GK5: variants seen among roughly 807,000 people sequenced by gnomAD.
GK5 encodes the protein glycerol kinase 5, also known as ATP:glycerol 3-phosphotransferase 5.
Under a neutral mutation model 77.3 loss-of-function variants are expected in GK5, and 39 were observed. The observed-to-expected ratio is 0.50, with a 90% CI of 0.39 to 0.66. GK5 has a LOEUF of 0.66. Among genes scored for constraint, GK5 ranks in the 30% least tolerant of loss-of-function variants. The probability of loss-of-function intolerance (pLI) is 0.00; values close to 1 mark genes in which losing one functional copy is unlikely to be tolerated. For synonymous variants in GK5, 211 were observed against 208.0 expected (o/e 1.01, Z -0.13); for missense variants, 487 against 633.8 (o/e 0.77, Z 2.49).
intron 1 of GK5, among the ~76,000 whole-genome samples, chr3:142,222,905 T>A (rs1443798365): frequency 6.6e-6 from 1 of 152,356 alleles, no homozygotes; most frequent in East Asian, 1.9e-4. Flanking sequence ...AGTTTTCTTT[T>A]ATTATCTCAA....
chr3:142,213,898 C>T (rs1243144844), intron 2 of GK5, among the ~76,000 whole-genome samples: 1 of 152,196 alleles, frequency 6.6e-6, no homozygotes, highest in East Asian at 1.9e-4. Flanking sequence ...TCTTGGCTCA[C>T]TGCAATCTCT....
intron 10 of GK5, among the ~76,000 whole-genome samples, chr3:142,181,984 TTATC>T (rs1402806708): frequency 2.0e-5 from 3 of 152,212 alleles, no homozygotes; most frequent in African/African-American, 7.2e-5. Flanking sequence ...GCTATTGTAT[TTATC>T]TGTGGTTTTC....
At chr3:142,211,736 G>A (rs2064190795) in intron 3 of GK5, among the ~76,000 whole-genome samples, 1 of 152,200 alleles carries the variant, frequency 6.6e-6, no homozygotes, top group South Asian at 2.1e-4. Flanking sequence ...CGAGGCTGCA[G>A]TGAGCTATGA....
Position 142,198,001 on chromosome 3 carries a change from G to T in GK5, c.543+801C>A, listed in dbSNP as rs150415433. 4.8e-3 allele frequency among the ~76,000 whole-genome samples: 721 copies of T among 149,672 alleles called. 13 individuals carry two copies. Among genetic ancestry groups the T allele is most frequent in the African/African-American group, 0.017 (705 of 40,518 alleles). On this transcript the variant is annotated intron_variant, in intron 5 of 15. Coordinates refer to ENST00000392993, the MANE Select transcript of GK5 (RefSeq NM_001039547.3). ...TCGCACATTGCACTCCAGCCTGGGT[G>T]ACAGGGTGAGACTCTGTCTCAAAAA...
intron 5 of GK5, among the ~76,000 whole-genome samples, chr3:142,196,516 T>G (rs2063935743): frequency 6.6e-6 from 1 of 152,180 alleles, no homozygotes; most frequent in Non-Finnish European, 1.5e-5. Context: ...GTATGTTGTA[T>G]CTTATTTTCA....
chr3:142,175,153 C>T (rs1577109462), intron 12 of GK5, among the ~76,000 whole-genome samples: 1 of 152,192 alleles, frequency 6.6e-6, no homozygotes, highest in East Asian at 1.9e-4. Context: ...TTACTGCCAT[C>T]ATCACAGTAA....
chr3:142,157,529 C>A lies in GK5; in HGVS notation c.*8093G>T, dbSNP rs1045363881. ...ACTCAAAGCAAATAACAGAGAAACA[C>A]AATATAAAAATGGCTTTAATATACC... is the stretch of plus-strand genomic sequence containing the variant. On this transcript the variant is annotated 3_prime_UTR_variant, in exon 16 of 16. Coordinates refer to ENST00000392993, the MANE Select transcript of GK5 (RefSeq NM_001039547.3). The A allele has an allele frequency of 6.6e-6, 1 of 152,152 alleles. No homozygotes were observed. Among genetic ancestry groups the A allele is most frequent in the East Asian group, 1.9e-4 (1 of 5,198 alleles). 9.4% of individuals were successfully genotyped at this position (152,152 alleles called of 1,614,324 possible).
intron 3 of GK5, among the ~76,000 whole-genome samples, chr3:142,212,356 A>AAACCCCGTCTCC (rs1226386055): frequency 2.8e-4 from 43 of 152,066 alleles, no homozygotes; most frequent in African/African-American, 1.0e-3. Flanking sequence ...CAATATGGTG[A>AAACCCCGTCTCC]AACCCCGTCT....
intron 3 of GK5, among the ~76,000 whole-genome samples, chr3:142,212,303 G>A (rs991492620): frequency 6.6e-6 from 1 of 152,078 alleles, no homozygotes; most frequent in Non-Finnish European, 1.5e-5. Flanking sequence ...AGGTGGCTGA[G>A]GTGGAAGAAT....
intron 5 of GK5, among the ~76,000 whole-genome samples, chr3:142,193,706 T>G (rs2063887915): frequency 6.6e-6 from 1 of 152,192 alleles, no homozygotes; most frequent in Non-Finnish European, 1.5e-5. Flanking sequence ...CGTATTTTAT[T>G]CTTTTTGATG....
chr3:142,213,768 T>C (rs2064231197), intron 2 of GK5, among the ~76,000 whole-genome samples, 167 bp from the exon 3 acceptor site: 1 of 152,194 alleles, frequency 6.6e-6, no homozygotes, highest in South Asian at 2.1e-4. Flanking sequence ...CTAAGATGAT[T>C]CTGCAGCATT....
intron 1 of GK5, among the ~76,000 whole-genome samples, chr3:142,223,205 T>A (rs1455316908): frequency 6.6e-6 from 1 of 152,236 alleles, no homozygotes; most frequent in Non-Finnish European, 1.5e-5. Context: ...AAATTATATA[T>A]TAACTGTGAA....
At chr3:142,206,159 A>G (rs2064103123) in intron 3 of GK5, among the ~76,000 whole-genome samples, 1 of 152,202 alleles carries the variant, frequency 6.6e-6, no homozygotes, top group Non-Finnish European at 1.5e-5. Context: ...TTATCAATTC[A>G]TCTGTTGGTA....
chr3:142,212,112 T>C (rs2064195464), intron 3 of GK5, among the ~76,000 whole-genome samples: 1 of 152,152 alleles, frequency 6.6e-6, no homozygotes, highest in African/African-American at 2.4e-5. Flanking sequence ...ATTCATCTTT[T>C]CCCCCTCTGC....
intron 2 of GK5, among the ~76,000 whole-genome samples, chr3:142,215,154 G>C (rs2064255450): frequency 1.3e-5 from 2 of 152,136 alleles, no homozygotes; most frequent in South Asian, 2.1e-4. Context: ...CTAAGACTTA[G>C]ACCATAGCTT....
chr3:142,158,210 C>G lies in GK5; in HGVS notation c.*7412G>C, dbSNP rs1039405065. 1 of 152,448 alleles carries G rather than the reference C, an allele frequency of 6.6e-6. No homozygotes were observed. The highest frequency in any genetic ancestry group is 2.4e-5 in the African/African-American group (1 of 41,432). 9.4% of individuals were successfully genotyped at this position (152,448 alleles called of 1,614,324 possible). A position where few individuals can be genotyped will look rare whatever the true frequency, so the allele number is the denominator to read the frequency against. On this transcript the variant is annotated 3_prime_UTR_variant, in exon 16 of 16. Coordinates refer to ENST00000392993, the MANE Select transcript of GK5 (RefSeq NM_001039547.3). ...TCGTGATCCGCCAGCCGTGGCCTCC[C>G]AAAGTGCTGGGACTACACGTGTGAG...
chr3:142,184,469 CA>C (rs1225743950), intron 9 of GK5, among the ~76,000 whole-genome samples: 2 of 151,636 alleles, frequency 1.3e-5, no homozygotes, highest in Non-Finnish European at 2.9e-5. Context: ...ATCTATTTCC[CA>C]ACCATACATT....
chr3:142,204,261 C>A, intron 4 of GK5: 1 of 231,968 alleles, frequency 4.3e-6, no homozygotes. Context: ...CAAGCAATCC[C>A]CCTGCCTCAG....
intron 3 of GK5, among the ~76,000 whole-genome samples, chr3:142,212,870 G>T (rs112078343): frequency 7.4e-6 from 1 of 134,308 alleles, no homozygotes; most frequent in Admixed American, 8.2e-5. Flanking sequence ...GAGTCTCGCT[G>T]TCGCCCAGGC....
Sources: allele counts gnomAD v4.1 joint callset (sites outside exome capture counted in the v4.1 genomes callset), GRCh38; gene constraint gnomAD v4.1.1; transcripts MANE v1.5; gene names NCBI Gene and HGNC (gene_info 2026-07-23, HGNC 2026-07-21).